ACTL6B: variants seen among roughly 807,000 people sequenced by gnomAD.
ACTL6B encodes actin-like protein 6B.
A neutral mutation model predicts 63.3 loss-of-function variants in ACTL6B; 48 were observed. That is an observed-to-expected ratio of 0.76 (90% CI 0.60 to 0.96). The LOEUF is 0.96. Among genes scored for constraint, ACTL6B ranks in the 50% least tolerant of loss-of-function variants. The pLI is 0.00. For missense variants in ACTL6B, 350 were observed against 572.2 expected (o/e 0.61, Z 3.96); for synonymous variants, 230 against 223.8 (o/e 1.03, Z -0.25).
rs1313484228 is a variant in ACTL6B, at chr7:100,655,913, C to T, written c.26-34G>A. ...GGAGACAGGCCTGTAAGGGGACCTC[C>T]CCCGAACTCTCTCCCGCTAGGTAGC... On this transcript the variant is annotated intron_variant, in intron 1 of 13. Coordinates refer to ENST00000160382, the MANE Select transcript of ACTL6B (RefSeq NM_016188.5). This position sits in a 1 kb window ranked among gnomAD's most constrained non-coding sequence, Gnocchi z 4.4. The T allele has an allele frequency of 1.3e-6, 2 of 1,545,034 alleles. No individual in the cohort carries two copies. Among genetic ancestry groups the T allele is most frequent in the Admixed American group, 4.0e-5 (2 of 49,552 alleles).
At chr7:100,654,997 T>C in intron 4 of ACTL6B, 22 bp downstream of exon 4, 2 of 1,596,544 alleles carry the variant, frequency 1.3e-6, no homozygotes, top group Non-Finnish European at 1.7e-6. Flanking sequence ...GGGTTGGACA[T>C]GAGGATGGAG....
rs767743507 is a variant in ACTL6B at position 100,655,600 on chromosome 7, G to T, written c.103-14C>A. The T allele has an allele frequency of 6.2e-7, 1 of 1,607,762 alleles. No homozygotes were observed. Reference sequence around the variant, plus strand: ...GGGGAAGTCAGCCTGGTGGGGAAGGGTTGGGGGAGTATTGGCAGGGAGAGA... The same window carrying T: ...GGGGAAGTCAGCCTGGTGGGGAAGGTTTGGGGGAGTATTGGCAGGGAGAGA... On this transcript the variant is annotated splice_polypyrimidine_tract_variant and intron_variant, in intron 2 of 13. Coordinates refer to ENST00000160382, the MANE Select transcript of ACTL6B (RefSeq NM_016188.5). The surrounding 1 kb of genome is among the most constrained non-coding windows in gnomAD (Gnocchi z 4.4).
At position 100,655,288 on chromosome 7, in the gene ACTL6B, G is replaced by C; in HGVS notation, c.268+133C>G. 7.8e-7 allele frequency: 1 copy of C among 1,284,894 alleles called. No individual in the cohort carries two copies. The highest frequency in any genetic ancestry group is 1.1e-6 in the Non-Finnish European group (1 of 922,896). 79.6% of individuals were successfully genotyped at this position (1,284,894 alleles called of 1,614,324 possible). A position where few individuals can be genotyped will look rare whatever the true frequency, so the allele number is the denominator to read the frequency against. On this transcript the variant is annotated intron_variant, in intron 3 of 13. Transcript: ENST00000160382. The surrounding 1 kb of genome is among the most constrained non-coding windows in gnomAD (Gnocchi z 4.4). The stretch of plus-strand genomic sequence containing the variant: ...TGGGCCCCTGGGAAGGGAACCCAGC[G>C]AGAAGAACCCTGGCAGCCAGAAGAA...
intron 1 of ACTL6B, among the ~76,000 whole-genome samples, chr7:100,656,129 G>A (rs963665426): frequency 6.6e-6 from 1 of 152,242 alleles, no homozygotes; most frequent in African/African-American, 2.4e-5. Context: ...CCGGGGCCAG[G>A]TGGAGGTGGG....
In ACTL6B at chr7:100,647,558, C is replaced by A; in HGVS notation, c.670-25G>T. ...CCTGTGGGGGCACAGTGTAGGAACACCCTTTCCTAGCCCACCTGACCCCCA... is the reference window on the plus strand; with the variant it reads ...CCTGTGGGGGCACAGTGTAGGAACAACCTTTCCTAGCCCACCTGACCCCCA... On this transcript the variant is annotated intron_variant, in intron 7 of 13. Coordinates refer to ENST00000160382, the MANE Select transcript of ACTL6B (RefSeq NM_016188.5). The surrounding 1 kb of genome is among the most constrained non-coding windows in gnomAD (Gnocchi z 4.4). The A allele has an allele frequency of 3.3e-6, 5 of 1,528,358 alleles. No individual in the cohort carries two copies. In the South Asian group the frequency reaches 6.3e-5, roughly 19 times the overall value. 94.7% of individuals were successfully genotyped at this position (1,528,358 alleles called of 1,614,324 possible). A position where few individuals can be genotyped will look rare whatever the true frequency, so the allele number is the denominator to read the frequency against.
chr7:100,643,113 A>G lies in ACTL6B; in HGVS notation c.*133T>C. ...AGGCCAAACTTTTTTTTCTTAAAAC[A>G]TTTTTACTTCTTTCAACCCAGAAAC... On this transcript the variant is annotated 3_prime_UTR_variant, in exon 14 of 14. Coordinates refer to ENST00000160382, the MANE Select transcript of ACTL6B (RefSeq NM_016188.5). 9.5e-7 allele frequency: 1 copy of G among 1,047,986 alleles called. No individual in the cohort carries two copies. Among genetic ancestry groups the G allele is most frequent in the Non-Finnish European group, 1.4e-6 (1 of 707,558 alleles). The allele number at this position is 1,047,986 out of a possible 1,614,324, so 64.9% of individuals were successfully genotyped here.
At chr7:100,656,280 C>T (rs1179250980) in intron 1 of ACTL6B, 50 bp downstream of exon 1, 6 of 1,374,998 alleles carry the variant, frequency 4.4e-6, no homozygotes, top group Non-Finnish European at 5.6e-6. Flanking sequence ...ATGGATGGCG[C>T]GGGTTTGGAA....
Position 100,655,460 on chromosome 7 carries a change from C to T in ACTL6B, c.229G>A (p.Asp77Asn), listed in dbSNP as rs984165923. The T allele has an allele frequency of 6.2e-7, 1 of 1,614,048 alleles. No individual in the cohort carries two copies. The highest frequency in any genetic ancestry group is 1.3e-5 in the African/African-American group (1 of 74,928). Residue 77 changes from aspartate (D) to asparagine (N), a missense_variant, in exon 3 of 14, where the codon GAT (aspartate) becomes AAT (asparagine). Around this residue, in one of 3 missense-constraint regions of ACTL6B, gnomAD observed 250 missense variants for 364.7 expected, o/e 0.69. Coordinates refer to ENST00000160382, the MANE Select transcript of ACTL6B (RefSeq NM_016188.5). The surrounding 1 kb of genome is among the most constrained non-coding windows in gnomAD (Gnocchi z 4.4). ...AGGGGCGACATGACCTCCGCTCCAT[C>T]CCGAGGCACGTGCAGGGCATTGGTG... is the stretch of plus-strand genomic sequence containing the variant. ...IDTNALHVPRDGAEVMSPLKN... is the reference protein window; with the variant it reads ...IDTNALHVPRNGAEVMSPLKN...
At chr7:100,652,453 C>T (rs1384591764) in intron 4 of ACTL6B, among the ~76,000 whole-genome samples, 4 of 141,512 alleles carry the variant, frequency 2.8e-5, no homozygotes, top group African/African-American at 5.3e-5. Flanking sequence ...AAAAATTAGT[C>T]GGATGTGGTG....
intron 4 of ACTL6B, among the ~76,000 whole-genome samples, chr7:100,653,854 T>C (rs947709575): frequency 2.0e-5 from 3 of 152,070 alleles, no homozygotes; most frequent in Non-Finnish European, 4.4e-5. Context: ...AATTTAAGTG[T>C]AGTATTAGAG....
intron 4 of ACTL6B, among the ~76,000 whole-genome samples, chr7:100,650,436 C>T (rs528263671): frequency 2.1e-3 from 321 of 151,854 alleles, no homozygotes; most frequent in Non-Finnish European, 3.6e-3. Context: ...CATGCAAACA[C>T]ACTCACAAAC....
chr7:100,645,788 T>C (rs10953299), intron 13 of ACTL6B, among the ~76,000 whole-genome samples: 32,282 of 152,014 alleles, frequency 0.21, 3,815 homozygotes, highest in Admixed American at 0.36. Context: ...TGCACCACCA[T>C]GCCTGGCTAA....
rs1357903856 is a variant in ACTL6B at position 100,655,752 on chromosome 7, G to C, written c.102+51C>G. The C allele has an allele frequency of 1.3e-6, 2 of 1,542,048 alleles. No homozygotes were observed. The highest frequency in any genetic ancestry group is 1.8e-6 in the Non-Finnish European group (2 of 1,142,042). ...AGAGCCCTGGGTCACTGGAAAGCCT[G>C]AAGAAGGGTCCGAAGCCCCTAGGAT... On this transcript the variant is annotated intron_variant, in intron 2 of 13. Coordinates refer to ENST00000160382, the MANE Select transcript of ACTL6B (RefSeq NM_016188.5). This position sits in a 1 kb window ranked among gnomAD's most constrained non-coding sequence, Gnocchi z 4.4.
chr7:100,655,994 G>T lies in ACTL6B; in HGVS notation c.26-115C>A. 1 of 1,099,792 alleles carries T rather than the reference G, an allele frequency of 9.1e-7. No individual in the cohort carries two copies. Among genetic ancestry groups the T allele is most frequent in the Non-Finnish European group, 1.3e-6 (1 of 777,646 alleles). 68.1% of individuals were successfully genotyped at this position (1,099,792 alleles called of 1,614,324 possible). A position where few individuals can be genotyped will look rare whatever the true frequency, so the allele number is the denominator to read the frequency against. On this transcript the variant is annotated intron_variant, in intron 1 of 13. Coordinates refer to ENST00000160382, the MANE Select transcript of ACTL6B (RefSeq NM_016188.5). This position sits in a 1 kb window ranked among gnomAD's most constrained non-coding sequence, Gnocchi z 4.4. ...CTCGCCACTTTCAACACCAGTCTGG[G>T]GCCGGTGGGAGCTGGGCCTGGAGTC...
Position 100,646,948 on chromosome 7 carries a change from C to G in ACTL6B, c.936+23G>C, listed in dbSNP as rs774118514. 1 of 1,612,318 alleles carries G rather than the reference C, an allele frequency of 6.2e-7. No homozygotes were observed. Among genetic ancestry groups the G allele is most frequent in the Non-Finnish European group, 8.5e-7 (1 of 1,178,710 alleles). On this transcript the variant is annotated intron_variant, in intron 10 of 13. Coordinates refer to ENST00000160382, the MANE Select transcript of ACTL6B (RefSeq NM_016188.5). The surrounding 1 kb of genome is among the most constrained non-coding windows in gnomAD (Gnocchi z 6.1). ...CAGGGACTGCAGCCAGCACCCACCCCAGTCCTCGCCACACAGCCAAACCTT... is the reference window on the plus strand; with the variant it reads ...CAGGGACTGCAGCCAGCACCCACCCGAGTCCTCGCCACACAGCCAAACCTT...
chr7:100,649,567 G>A (rs1013283960), intron 5 of ACTL6B, among the ~76,000 whole-genome samples: 2 of 152,150 alleles, frequency 1.3e-5, no homozygotes, highest in African/African-American at 4.8e-5. Context: ...CAAAATGCTG[G>A]GATTACAGGC....
chr7:100,655,162 C>G lies in ACTL6B; in HGVS notation c.269-43G>C. 1 of 1,521,566 alleles carries G rather than the reference C, an allele frequency of 6.6e-7. No homozygotes were observed. The highest frequency in any genetic ancestry group is 9.1e-7 in the Non-Finnish European group (1 of 1,097,914). 94.3% of individuals were successfully genotyped at this position (1,521,566 alleles called of 1,614,324 possible). ...GCGTGCAGAGACGCAAGAAGGCAGG[C>G]AGGGGACAGGGACAGGAAGAAAAGG... is the stretch of plus-strand genomic sequence containing the variant. On this transcript the variant is annotated intron_variant, in intron 3 of 13. Transcript: ENST00000160382. The surrounding 1 kb of genome is among the most constrained non-coding windows in gnomAD (Gnocchi z 4.4).
intron 13 of ACTL6B, among the ~76,000 whole-genome samples, chr7:100,643,854 G>A (rs1051649023): frequency 6.6e-5 from 10 of 152,178 alleles, no homozygotes; most frequent in Non-Finnish European, 1.3e-4. Flanking sequence ...ATCTCAGAGT[G>A]TCCCTTCTCT....
chr7:100,648,650 G>T lies in ACTL6B; in HGVS notation c.575C>A (p.Ser192Tyr). ...GGAGATGAAGTCCCCTGCCAGAGGG[G>T]ACTTGACGATGCCTAGAAGGAAGGC... ...GYVLQQGIVK[S>Y]PLAGDFISMQ... is the part of the protein sequence containing the mutation. The change falls in exon 7 of 14, where the codon TCC becomes TAC. Residue 192 changes from serine (S) to tyrosine (Y), a missense_variant. By Grantham distance (144) the Ser-to-Tyr change is moderately radical (BLOSUM62 -2). Transcript: ENST00000160382. This position sits in a 1 kb window ranked among gnomAD's most constrained non-coding sequence, Gnocchi z 4.4. 1 of 1,612,660 alleles carries T rather than the reference G, an allele frequency of 6.2e-7. No homozygotes were observed. Among genetic ancestry groups the T allele is most frequent in the South Asian group, 1.1e-5 (1 of 90,938 alleles).
Sources: allele counts gnomAD v4.1 joint callset (sites outside exome capture counted in the v4.1 genomes callset), GRCh38; gene constraint gnomAD v4.1.1; regional missense constraint gnomAD v4.1.1; non-coding constraint Gnocchi (gnomAD v3.1); transcripts MANE v1.5; gene names NCBI Gene and HGNC (gene_info 2026-07-23, HGNC 2026-07-21).